Variants in LMF1 observed in about 807,000 individuals in gnomAD.
The protein encoded by LMF1 is lipase maturation factor 1.
Under a neutral mutation model 60.6 loss-of-function variants are expected in LMF1, and 68 were observed. That is an observed-to-expected ratio of 1.12 (90% CI 0.92 to 1.37). The LOEUF (loss-of-function observed/expected upper bound fraction) is 1.37. Among genes scored for constraint, LMF1 ranks in the 40% most tolerant of loss-of-function variants. LMF1 has a pLI of 0.00. For synonymous variants in LMF1, 418 were observed against 324.7 expected (o/e 1.29, Z -3.09); for missense variants, 948 against 767.2 (o/e 1.24, Z -2.78).
intron 2 of LMF1, among the ~76,000 whole-genome samples, chr16:947,898 TGACAGAGTCAGCCAAC>T (rs1234587272): frequency 4.5e-4 from 50 of 112,124 alleles, no homozygotes; most frequent in Non-Finnish European, 7.7e-4. Flanking sequence ...TTAGAGACAA[TGACAGAGTCAGCCAAC>T]GACAGAGTCA....
In LMF1 at chr16:868,022, T is replaced by C. The variant is rs111643706; in HGVS notation, c.1529+922A>G. Among the ~76,000 whole-genome samples the C allele has an allele frequency of 6.4e-3, 979 of 152,176 alleles. 13 individuals carry two copies. The highest frequency in any genetic ancestry group is 0.023 in the African/African-American group (938 of 41,508). ...GGAAAATCCAGAGCTGTGTTTTCCG[T>C]CAGAATCGGCGGCTGATGGCGCAGG... On this transcript the variant is annotated intron_variant, in intron 10 of 10. Transcript: ENST00000262301.
Position 874,636 on chromosome 16 carries a change from C to T in LMF1, c.898-3295G>A, listed in dbSNP as rs567735937. 2.0e-5 allele frequency among the ~76,000 whole-genome samples: 3 copies of T among 152,252 alleles called. No homozygotes were observed. The highest frequency in any genetic ancestry group is 6.5e-5 in the Admixed American group (1 of 15,302). ...GTGGGAGGAGGGAGGCTGCTCATGCCGCAACTCCCCAACGGAAGGATCACG... is the reference window on the plus strand; with the variant it reads ...GTGGGAGGAGGGAGGCTGCTCATGCTGCAACTCCCCAACGGAAGGATCACG... On this transcript the variant is annotated intron_variant, in intron 6 of 10. Coordinates refer to ENST00000262301, the MANE Select transcript of LMF1 (RefSeq NM_022773.4). This position sits in a 1 kb window ranked among gnomAD's most constrained non-coding sequence, Gnocchi z 4.1.
chr16:978,754 GGGA>G (rs1465819971), intron 1 of LMF1, among the ~76,000 whole-genome samples: 1 of 152,100 alleles, frequency 6.6e-6, no homozygotes, highest in Admixed American at 6.5e-5. Context: ...TGGGAGACAG[GGGA>G]GGAGGGTGTG....
At chr16:950,807 C>A (rs1239235399) in intron 2 of LMF1, among the ~76,000 whole-genome samples, 1 of 111,414 alleles carries the variant, frequency 9.0e-6, no homozygotes, top group Non-Finnish European at 1.8e-5. Flanking sequence ...CAGAGTCAGA[C>A]GACAGAGTCA....
chr16:981,063 G>A (rs1008323428), intron 1 of LMF1: 2 of 241,930 alleles, frequency 8.3e-6, no homozygotes, highest in South Asian at 6.9e-5. Flanking sequence ...GCCCCCGCCC[G>A]CGCTCTCCAC....
At chr16:969,186 G>A (rs191048658) in intron 1 of LMF1, among the ~76,000 whole-genome samples, 3 of 152,168 alleles carry the variant, frequency 2.0e-5, no homozygotes, top group Admixed American at 1.3e-4. Context: ...ATGGTGGTGC[G>A]TGCCTATAAT....
At chr16:973,852 A>C (rs545631652), upstream of LMF1, among the ~76,000 whole-genome samples, 1 of 151,972 alleles carries the variant, frequency 6.6e-6, no homozygotes, top group Non-Finnish European at 1.5e-5. Flanking sequence ...TACAACAACA[A>C]CAACAAAATT....
chr16:967,715 C>T lies in LMF1; in HGVS notation c.193+3073G>A, dbSNP rs984402181. On this transcript the variant is annotated intron_variant, in intron 1 of 10. Coordinates refer to ENST00000262301, the MANE Select transcript of LMF1 (RefSeq NM_022773.4). ...AGGAGCCGTCACGGCCCGAGAACGC[C>T]GCTGCCCAGATGTGAACCGGGTGTC... is the stretch of plus-strand genomic sequence containing the variant. Among the ~76,000 whole-genome samples the T allele has an allele frequency of 3.9e-5, 6 of 152,340 alleles. No individual in the cohort carries two copies. The East Asian group carries it at 7.7e-4, about 20-fold the overall frequency.
intron 10 of LMF1, among the ~76,000 whole-genome samples, chr16:866,985 C>T (rs1297276557): frequency 6.6e-6 from 1 of 152,172 alleles, no homozygotes; most frequent in Non-Finnish European, 1.5e-5. Flanking sequence ...GTCCAGGGAT[C>T]TTGGTTGCAC....
At position 891,948 on chromosome 16, in the gene LMF1, C is replaced by T. The variant is rs367624228; in HGVS notation, c.729+1059G>A. Among the ~76,000 whole-genome samples the T allele has an allele frequency of 1.6e-4, 25 of 152,326 alleles. No individual in the cohort carries two copies. In the East Asian group the frequency reaches 4.1e-3, roughly 25 times the overall value. Reference sequence around the variant, plus strand: ...ACAGACCGTCAGCTGAACCTGCTCTCGGACAAAGAGAGGAGCTCACGGGTC... The same window carrying T: ...ACAGACCGTCAGCTGAACCTGCTCTTGGACAAAGAGAGGAGCTCACGGGTC... On this transcript the variant is annotated intron_variant, in intron 5 of 10. Transcript: ENST00000262301.
chr16:946,070 C>A (rs1381475815), intron 2 of LMF1, among the ~76,000 whole-genome samples: 1 of 152,230 alleles, frequency 6.6e-6, no homozygotes, highest in African/African-American at 2.4e-5. Context: ...CCAAAACAAG[C>A]TAATGGTGGA....
intron 2 of LMF1, among the ~76,000 whole-genome samples, chr16:954,087 C>A (rs1345778190): frequency 1.3e-5 from 2 of 152,242 alleles, no homozygotes; most frequent in Admixed American, 6.5e-5. Context: ...CCTCCCTTTC[C>A]CCATCCCTCT....
chr16:970,863 A>C lies in LMF1; in HGVS notation c.118T>G (p.Ser40Ala). The C allele has an allele frequency of 6.4e-7, 1 of 1,563,120 alleles. No individual in the cohort carries two copies. Among genetic ancestry groups the C allele is most frequent in the South Asian group, 1.2e-5 (1 of 84,228 alleles). The change falls in exon 1 of 11, where the codon TCT becomes GCT. Residue 40 changes from serine (S) to alanine (A), a missense_variant. Coordinates refer to ENST00000262301, the MANE Select transcript of LMF1 (RefSeq NM_022773.4). The part of the protein sequence containing the change: ...PPAPGRGPAG[S>A]PAHLHTGTFW... ...GTGCCCGTGTGGAGATGGGCCGGAG[A>C]GCCTGCGGGGCCACGCCCCGGCGCG...
intron 2 of LMF1, among the ~76,000 whole-genome samples, chr16:943,747 A>G (rs945904728): frequency 6.6e-6 from 1 of 151,560 alleles, no homozygotes. Context: ...AAAAAAAAAA[A>G]AAAGAGGAAT....
intron 5 of LMF1, chr16:884,978 T>C (rs1386390718): frequency 6.6e-6 from 1 of 152,186 alleles, no homozygotes; most frequent in Non-Finnish European, 1.5e-5. Flanking sequence ...AAAAAAGAGC[T>C]CCGGAAATGG....
At chr16:922,506 T>C (rs1260525153) in intron 3 of LMF1, among the ~76,000 whole-genome samples, 1 of 152,212 alleles carries the variant, frequency 6.6e-6, no homozygotes, top group Non-Finnish European at 1.5e-5. Flanking sequence ...ATTACTAACA[T>C]GGACGTGAAG....
chr16:885,683 T>C (rs1376366858), intron 5 of LMF1, among the ~76,000 whole-genome samples: 2 of 152,142 alleles, frequency 1.3e-5, no homozygotes, highest in Non-Finnish European at 2.9e-5. Context: ...CAGAAGACTC[T>C]CAAACACGTA....
In LMF1 at chr16:970,143, C is replaced by G. The variant is rs190624961; in HGVS notation, c.193+645G>C. On this transcript the variant is annotated intron_variant, in intron 1 of 10. Transcript: ENST00000262301. ...CGCTGGGAATCTTCCCGAACGCAGA[C>G]TGAGCTAGTCGAGAACACTAAAGGA... Among the ~76,000 whole-genome samples, 326 of 152,368 alleles carry G rather than the reference C, an allele frequency of 2.1e-3. 2 individuals carry two copies. The highest frequency in any genetic ancestry group is 7.1e-3 in the African/African-American group (297 of 41,592).
intron 10 of LMF1, among the ~76,000 whole-genome samples, chr16:861,198 A>T (rs1311700501): frequency 6.6e-6 from 1 of 151,952 alleles, no homozygotes; most frequent in Admixed American, 6.6e-5. Flanking sequence ...TCAGGTTTAT[A>T]CCTAAGTATT....
Sources: gnomAD v4.1 joint callset for allele counts (sites outside exome capture counted in the v4.1 genomes callset) on GRCh38, gnomAD v4.1.1 for gene constraint, Gnocchi (gnomAD v3.1) non-coding constraint, MANE v1.5 for transcripts, NCBI Gene and HGNC (gene_info 2026-07-23, HGNC 2026-07-21) for gene names.